The following PTP4A1 variants were observed in gnomAD, a reference collection of about 807,000 sequenced individuals.
The protein encoded by PTP4A1 is protein tyrosine phosphatase 4A1, also known as protein tyrosine phosphatase type IVA 1.
A neutral mutation model predicts 20.5 loss-of-function variants in PTP4A1; 9 were observed. The observed-to-expected ratio is 0.44, with a 90% CI of 0.26 to 0.77. The LOEUF is 0.77. Ranked by LOEUF, PTP4A1 falls within the 30% of genes least tolerant of loss-of-function variation. PTP4A1 has a pLI of 0.19. For missense variants in PTP4A1, 137 were observed against 218.8 expected (o/e 0.63, Z 2.36); for synonymous variants, 78 against 67.4 (o/e 1.16, Z -0.77).
intron 3 of PTP4A1, among the ~76,000 whole-genome samples, chr6:63,566,558 T>C (rs1167396287): frequency 1.3e-5 from 2 of 152,132 alleles, no homozygotes; most frequent in Admixed American, 1.3e-4. Context: ...ACGGGTACCC[T>C]AGAATACCTT....
At chr6:63,572,330 C>A (rs1054675505), upstream of PTP4A1, 3 of 255,348 alleles carry the variant, frequency 1.2e-5, no homozygotes, top group Non-Finnish European at 2.2e-5. Context: ...CCGGTTCACA[C>A]CGGCGGCGGC....
intron 3 of PTP4A1, among the ~76,000 whole-genome samples, chr6:63,563,789 G>T (rs1034918833): frequency 1.5e-4 from 23 of 152,064 alleles, no homozygotes; most frequent in African/African-American, 5.6e-4. Flanking sequence ...GGAGGCCCTA[G>T]GACAAAACTC....
chr6:63,577,060 ACTACTTTGG>A, intron 2 of PTP4A1, 75 bp downstream of exon 2: 2 of 1,189,682 alleles, frequency 1.7e-6, no homozygotes, highest in Admixed American at 2.4e-5. Context: ...CAAAATAAAA[ACTACTTTGG>A]AAAAAATGAG....
chr6:63,541,698 C>T (rs759934698), intron 2 of PTP4A1, among the ~76,000 whole-genome samples: 1 of 152,124 alleles, frequency 6.6e-6, no homozygotes, highest in Non-Finnish European at 1.5e-5. Context: ...ATCAGAAGGG[C>T]AAGCCCCTAC....
At chr6:63,570,525 C>T (rs555056288), upstream of PTP4A1, among the ~76,000 whole-genome samples, 1 of 152,324 alleles carries the variant, frequency 6.6e-6, no homozygotes, top group East Asian at 1.9e-4. Context: ...CGTGTCAGCA[C>T]TGCTTGTGGT....
At position 63,576,569 on chromosome 6, in the gene PTP4A1, C is replaced by T. The variant is rs1460830333; in HGVS notation, c.-312C>T. ...GATTACTGCTCCACCAAGAAGCCCC[C>T]ATAAGAGTGGTTATCCTGGACACAG... On this transcript the variant is annotated 5_prime_UTR_variant, in exon 2 of 6. Transcript: ENST00000626021. The T allele has an allele frequency of 4.4e-6, 2 of 456,098 alleles. No homozygotes were observed. The highest frequency in any genetic ancestry group is 7.7e-6 in the Non-Finnish European group (2 of 260,170). 28.3% of individuals were successfully genotyped at this position (456,098 alleles called of 1,614,324 possible).
chr6:63,572,768 G>GC (rs1306077492), intron 1 of PTP4A1, 49 bp downstream of exon 1: 2 of 398,276 alleles, frequency 5.0e-6, no homozygotes, highest in Non-Finnish European at 8.9e-6. Flanking sequence ...TCCACGACCG[G>GC]CCCCCCATCC....
chr6:63,536,404 C>T (rs373705824), intron 2 of PTP4A1, among the ~76,000 whole-genome samples: 263 of 152,256 alleles, frequency 1.7e-3, no homozygotes, highest in African/African-American at 6.2e-3. Context: ...TATCCCTCTG[C>T]TTTACTGGTA....
intron 3 of PTP4A1, among the ~76,000 whole-genome samples, chr6:63,556,663 G>A (rs927423828): frequency 7.9e-5 from 12 of 152,154 alleles, no homozygotes; most frequent in Admixed American, 2.0e-4. Context: ...TGTCACTATC[G>A]CTTTGGGTGA....
rs1446721611 is a variant in PTP4A1 at position 63,582,589 on chromosome 6, C to T, written c.*2415C>T. On this transcript the variant is annotated 3_prime_UTR_variant, in exon 6 of 6. Transcript: ENST00000626021. ...TGAAGTCTTGAATGCAGGAAACTATCTGATAGTGTTCTAAAATTTGGTTAC... is the reference window on the plus strand; with the variant it reads ...TGAAGTCTTGAATGCAGGAAACTATTTGATAGTGTTCTAAAATTTGGTTAC... 1.3e-5 allele frequency: 2 copies of T among 152,436 alleles called. No individual in the cohort carries two copies. The highest frequency in any genetic ancestry group is 2.4e-5 in the African/African-American group (1 of 41,418). 9.4% of individuals were successfully genotyped at this position (152,436 alleles called of 1,614,324 possible).
chr6:63,540,960 G>A (rs530123408), intron 2 of PTP4A1, among the ~76,000 whole-genome samples: 5 of 150,380 alleles, frequency 3.3e-5, no homozygotes, highest in South Asian at 2.1e-4. Context: ...CCAAGATCAC[G>A]CCAGTGCACT....
intron 5 of PTP4A1, 83 bp from the exon 6 acceptor site, chr6:63,579,974 G>T: frequency 1.0e-6 from 1 of 967,960 alleles, no homozygotes; most frequent in South Asian, 1.4e-5. Context: ...TGCCACAAGA[G>T]AGGTGATGGT....
upstream of PTP4A1, among the ~76,000 whole-genome samples, chr6:63,570,464 T>C (rs1777368171): frequency 6.6e-6 from 1 of 152,156 alleles, no homozygotes; most frequent in Non-Finnish European, 1.5e-5. Context: ...CCAGGCCACT[T>C]GAGAATTTGA....
At position 63,580,631 on chromosome 6, in the gene PTP4A1, A is replaced by G. The variant is rs555164323; in HGVS notation, c.*457A>G. ...TGGTTTATTCCTTCAATCATTTCAAACATTGAAAGTAGGGCCTACATGGTT... is the reference window on the plus strand; with the variant it reads ...TGGTTTATTCCTTCAATCATTTCAAGCATTGAAAGTAGGGCCTACATGGTT... On this transcript the variant is annotated 3_prime_UTR_variant, in exon 6 of 6. Coordinates refer to ENST00000626021, the MANE Select transcript of PTP4A1 (RefSeq NM_003463.5). 6.5e-6 allele frequency: 1 copy of G among 153,936 alleles called. No homozygotes were observed. Among genetic ancestry groups the G allele is most frequent in the South Asian group, 2.0e-4 (1 of 4,924 alleles). The allele number at this position is 153,936 out of a possible 1,614,324, so 9.5% of individuals were successfully genotyped here.
chr6:63,551,696 CCCA>C (rs1273673878), intron 3 of PTP4A1, among the ~76,000 whole-genome samples: 2 of 150,538 alleles, frequency 1.3e-5, no homozygotes, highest in African/African-American at 4.9e-5. Context: ...CTCCCCCTAC[CCCA>C]CAACAGGCCC....
At chr6:63,576,087 A>G (rs1342105731) in intron 1 of PTP4A1, among the ~76,000 whole-genome samples, 1 of 149,928 alleles carries the variant, frequency 6.7e-6, no homozygotes, top group African/African-American at 2.4e-5. Context: ...TCATATAATT[A>G]TATATTATAT....
At chr6:63,524,260 C>T (rs1299489171) in intron 1 of PTP4A1, among the ~76,000 whole-genome samples, 2 of 152,166 alleles carry the variant, frequency 1.3e-5, no homozygotes, top group Non-Finnish European at 2.9e-5. Flanking sequence ...GCTGGGATTA[C>T]AGACGTGAGC....
intron 3 of PTP4A1, among the ~76,000 whole-genome samples, chr6:63,554,822 C>T (rs191665813): frequency 2.6e-5 from 4 of 152,260 alleles, no homozygotes; most frequent in Admixed American, 1.3e-4. Context: ...TGTATTGTCA[C>T]TGTTTACATA....
intron 2 of PTP4A1, 119 bp from the exon 3 acceptor site, chr6:63,578,318 C>CTTTAAATGATCTTCTG (rs1778003879): frequency 5.0e-6 from 6 of 1,210,612 alleles, no homozygotes; most frequent in Non-Finnish European, 6.4e-6. Context: ...TTCTAGCATT[C>CTTTAAATGATCTTCTG]TTTAAATGAT....
Sources: gnomAD v4.1 joint callset for allele counts (sites outside exome capture counted in the v4.1 genomes callset) on GRCh38, gnomAD v4.1.1 for gene constraint, MANE v1.5 for transcripts, NCBI Gene and HGNC (gene_info 2026-07-23, HGNC 2026-07-21) for gene names.